Variants in PCDH7 observed in about 807,000 individuals in gnomAD.
PCDH7 encodes protocadherin 7, also known as protocadherin-7.
Under a neutral mutation model 58.9 loss-of-function variants are expected in PCDH7, and 17 were observed. That is an observed-to-expected ratio of 0.29 (90% confidence interval 0.20 to 0.43). The LOEUF (loss-of-function observed/expected upper bound fraction) is 0.43, where lower values mean the gene tolerates loss of function less well. Among genes scored for constraint, PCDH7 ranks in the 20% least tolerant of loss-of-function variants. PCDH7 has a pLI of 1.00. For synonymous variants in PCDH7, 664 were observed against 616.4 expected (o/e 1.08, Z -1.14); for missense variants, 1,274 against 1,441.0 (o/e 0.88, Z 1.88).
At chr4:30,829,810 G>A (rs971223312) in intron 1 of PCDH7, among the ~76,000 whole-genome samples, 30 of 152,030 alleles carry the variant, frequency 2.0e-4, no homozygotes, top group African/African-American at 6.0e-4. Context: ...ATTGCACACA[G>A]TTTGCTCTAA....
chr4:30,761,674 C>G (rs1160368377), intron 1 of PCDH7, among the ~76,000 whole-genome samples: 1 of 152,124 alleles, frequency 6.6e-6, no homozygotes, highest in Non-Finnish European at 1.5e-5. Flanking sequence ...TAATTACATT[C>G]AAATCCAGTA....
chr4:31,000,422 CAAAT>C (rs566489419), intron 3 of PCDH7, among the ~76,000 whole-genome samples: 184 of 152,010 alleles, frequency 1.2e-3, no homozygotes, highest in Non-Finnish European at 2.4e-3. Context: ...TTAAACACAA[CAAAT>C]AAGTTGAGTT....
intron 1 of PCDH7, among the ~76,000 whole-genome samples, chr4:30,764,274 C>A (rs1159787506): frequency 2.0e-5 from 3 of 152,114 alleles, no homozygotes; most frequent in African/African-American, 7.2e-5. Context: ...GATAATGAGT[C>A]TTCATGTATT....
intron 3 of PCDH7, among the ~76,000 whole-genome samples, chr4:30,975,860 A>G (rs1382213097): frequency 1.3e-5 from 2 of 152,214 alleles, no homozygotes; most frequent in African/African-American, 2.4e-5. Context: ...GGCTTCCCCA[A>G]GCACACTTTG....
chr4:31,020,147 C>A (rs1314488545), intron 3 of PCDH7, among the ~76,000 whole-genome samples: 1 of 152,196 alleles, frequency 6.6e-6, no homozygotes, highest in Non-Finnish European at 1.5e-5. Context: ...AATTTTTCAT[C>A]TGTGTTTCCA....
Position 30,721,874 on chromosome 4 carries a change from C to G in PCDH7, c.452C>G (p.Thr151Arg), listed in dbSNP as rs879734248. 6.2e-7 allele frequency: 1 copy of G among 1,602,072 alleles called. No individual in the cohort carries two copies. Among genetic ancestry groups the G allele is most frequent in the Non-Finnish European group, 8.5e-7 (1 of 1,175,054 alleles). The stretch of plus-strand genomic sequence containing the variant: ...TTCCCGTCGCCCGTGCTCACGCTCA[C>G]GGTGGAGGAGAATCGGCCGGTGGGC... Residue 151 changes from threonine to arginine, a missense_variant, in exon 1 of 2, where the codon ACG becomes AGG. Thr to Arg is a moderately conservative substitution (Grantham distance 71). This residue lies in a region of PCDH7 where 212 missense variants were observed against 255.8 expected (regional missense o/e 0.83). Coordinates refer to ENST00000361762, the Ensembl canonical transcript of PCDH7. This position sits in a 1 kb window ranked among gnomAD's most constrained non-coding sequence, Gnocchi z 6.7.
chr4:31,092,057 T>C (rs1200094994), intron 3 of PCDH7, among the ~76,000 whole-genome samples: 2 of 152,002 alleles, frequency 1.3e-5, no homozygotes, highest in East Asian at 3.9e-4. Context: ...ATATTTTACA[T>C]TTTGAGAAAT....
At chr4:31,099,264 G>A (rs1033648703) in intron 3 of PCDH7, among the ~76,000 whole-genome samples, 5 of 152,194 alleles carry the variant, frequency 3.3e-5, no homozygotes, top group African/African-American at 1.2e-4. Flanking sequence ...TGTGTTGTAG[G>A]TCTTGAGTTT....
intron 1 of PCDH7, among the ~76,000 whole-genome samples, chr4:30,893,513 T>G (rs561396948): frequency 2.6e-5 from 4 of 152,108 alleles, no homozygotes; most frequent in Non-Finnish European, 2.9e-5. Context: ...CTTATGGCTA[T>G]TACCACTTTG....
At chr4:31,103,193 C>T (rs1715116968) in intron 3 of PCDH7, among the ~76,000 whole-genome samples, 1 of 152,134 alleles carries the variant, frequency 6.6e-6, no homozygotes, top group Admixed American at 6.6e-5. Context: ...TGAGAGACAT[C>T]AAATAATTTT....
rs568712763 is a variant in PCDH7, at chr4:30,952,311, T to C, written c.*7+2096T>C. On this transcript the variant is annotated intron_variant, in intron 3 of 3. Transcript: ENST00000509759. The stretch of plus-strand genomic sequence containing the variant: ...GAAAGAAGAAAATTTAACCAAATTT[T>C]TTTAAAGATTTGAGGAAAGGAAATT... 3.3e-5 allele frequency among the ~76,000 whole-genome samples: 5 copies of C among 152,180 alleles called. No individual in the cohort carries two copies. The East Asian group carries it at 7.7e-4, about 24-fold the overall frequency.
Position 31,121,959 on chromosome 4 carries a change from A to G in PCDH7, c.*8-20514A>G, listed in dbSNP as rs369564320. Among the ~76,000 whole-genome samples, 32 of 152,228 alleles carry G rather than the reference A, an allele frequency of 2.1e-4. No homozygotes were observed. The South Asian group carries it at 6.6e-3, about 32-fold the overall frequency. ...AGCGCTGGAGTTAAGTATTCAACAG[A>G]ATCATTATTACATCTGAATCACAAT... On this transcript the variant is annotated intron_variant, in intron 3 of 3. Transcript: ENST00000509759.
intron 3 of PCDH7, among the ~76,000 whole-genome samples, chr4:31,137,899 C>A (rs1225718759): frequency 6.6e-6 from 1 of 152,118 alleles, no homozygotes; most frequent in Non-Finnish European, 1.5e-5. Context: ...TCAGCAAATG[C>A]AAAGATCCAT....
At chr4:30,908,112 T>G (rs1400142067) in intron 1 of PCDH7, among the ~76,000 whole-genome samples, 1 of 151,732 alleles carries the variant, frequency 6.6e-6, no homozygotes, top group Non-Finnish European at 1.5e-5. Flanking sequence ...GGTGAGGGGC[T>G]AGGGGAGGGA....
chr4:30,805,167 A>G (rs1004540888), intron 1 of PCDH7, among the ~76,000 whole-genome samples: 2 of 152,096 alleles, frequency 1.3e-5, no homozygotes, highest in Non-Finnish European at 2.9e-5. Context: ...ATAGATGTCT[A>G]TGTCTTATAG....
intron 3 of PCDH7, among the ~76,000 whole-genome samples, chr4:30,963,640 A>G (rs1044666447): frequency 2.0e-5 from 3 of 152,126 alleles, no homozygotes; most frequent in East Asian, 1.9e-4. Context: ...TGCATTTTTC[A>G]TAGCTCATAG....
intron 1 of PCDH7, among the ~76,000 whole-genome samples, chr4:30,890,380 C>T (rs1408793542): frequency 6.6e-6 from 1 of 151,510 alleles, no homozygotes; most frequent in Non-Finnish European, 1.5e-5. Context: ...ATTTTAATTG[C>T]ATGCTTAACA....
intron 3 of PCDH7, among the ~76,000 whole-genome samples, chr4:30,993,415 G>T (rs1751620098): frequency 6.6e-6 from 1 of 152,180 alleles, no homozygotes; most frequent in African/African-American, 2.4e-5. Context: ...AATCGAGACT[G>T]AGTTAAAACA....
intron 3 of PCDH7, among the ~76,000 whole-genome samples, chr4:31,000,434 G>A (rs953698714): frequency 1.1e-4 from 17 of 152,074 alleles, no homozygotes; most frequent in Non-Finnish European, 1.3e-4. Context: ...AATAAGTTGA[G>A]TTTTGAATAG....
Sources: allele counts gnomAD v4.1 joint callset (sites outside exome capture counted in the v4.1 genomes callset), GRCh38; gene constraint gnomAD v4.1.1; regional missense constraint gnomAD v4.1.1; non-coding constraint Gnocchi (gnomAD v3.1); transcripts MANE v1.5; gene names NCBI Gene and HGNC (gene_info 2026-07-23, HGNC 2026-07-21).